The following FANCC variants were observed in gnomAD, a reference collection of about 807,000 sequenced individuals.
The protein encoded by FANCC is Fanconi anemia group C protein.
FANCC carries 55 observed loss-of-function variants against 71.3 expected under a neutral mutation model. The observed-to-expected ratio is 0.77, with a 90% confidence interval of 0.62 to 0.97. The LOEUF (loss-of-function observed/expected upper bound fraction) is 0.97, where lower values mean the gene tolerates loss of function less well. Among genes scored for constraint, FANCC ranks in the 50% least tolerant of loss-of-function variants. The pLI is 0.00. For missense variants in FANCC, 678 were observed against 670.9 expected, an observed-to-expected ratio of 1.01 and a Z score of -0.12; for synonymous variants, 275 against 244.9, an observed-to-expected ratio of 1.12 and a Z score of -1.15.
intron 8 of FANCC, 141 bp downstream of exon 8, chr9:95,135,205 A>T (rs1010898014): frequency 4.6e-6 from 4 of 861,512 alleles, no homozygotes; most frequent in Admixed American, 2.1e-5. Flanking sequence ...GATTTCAAAA[A>T]TAAAATGTAA....
intron 4 of FANCC, among the ~76,000 whole-genome samples, chr9:95,192,421 AG>A (rs2135747068): frequency 6.6e-6 from 1 of 152,346 alleles, no homozygotes; most frequent in East Asian, 1.9e-4. Context: ...AGACATTCAA[AG>A]ACCTCAGTCC....
chr9:95,205,037 T>C (rs1828034302), intron 4 of FANCC, among the ~76,000 whole-genome samples: 1 of 152,136 alleles, frequency 6.6e-6, no homozygotes, highest in Non-Finnish European at 1.5e-5. Context: ...CAAATGAAAA[T>C]GACTAAAGCA....
At chr9:95,158,702 T>C (rs769069331) in intron 6 of FANCC, among the ~76,000 whole-genome samples, 1 of 152,166 alleles carries the variant, frequency 6.6e-6, no homozygotes, top group Non-Finnish European at 1.5e-5. Context: ...TCTAAAGAAG[T>C]AGTGTAGAGC....
At chr9:95,175,839 C>G (rs1355817145) in intron 4 of FANCC, among the ~76,000 whole-genome samples, 2 of 152,210 alleles carry the variant, frequency 1.3e-5, no homozygotes, top group Non-Finnish European at 2.9e-5. Flanking sequence ...GTCTGGCCAG[C>G]CATATGTCAA....
chr9:95,301,806 G>A (rs1261698178), intron 1 of FANCC, among the ~76,000 whole-genome samples: 2 of 151,672 alleles, frequency 1.3e-5, no homozygotes, highest in African/African-American at 2.4e-5. Context: ...GGCCTGGCGC[G>A]GTGGCTCACG....
intron 10 of FANCC, 46 bp downstream of exon 10, chr9:95,125,040 G>A (rs375659639): frequency 1.1e-4 from 168 of 1,495,590 alleles, no homozygotes; most frequent in South Asian, 3.7e-4. Context: ...TCTCAACAGC[G>A]TCTTATTCTC....
chr9:95,136,540 G>A (rs1250156420), intron 7 of FANCC, among the ~76,000 whole-genome samples: 1 of 151,834 alleles, frequency 6.6e-6, no homozygotes, highest in African/African-American at 2.4e-5. Flanking sequence ...AGGCTAGAGT[G>A]CAATGGTGTG....
chr9:95,304,254 T>G (rs1834937137), intron 1 of FANCC, among the ~76,000 whole-genome samples: 1 of 152,010 alleles, frequency 6.6e-6, no homozygotes, highest in South Asian at 2.1e-4. Context: ...GAAAATAAAG[T>G]AAACAGAAGA....
chr9:95,102,786 G>A (rs1030979775), intron 14 of FANCC, among the ~76,000 whole-genome samples: 18 of 152,218 alleles, frequency 1.2e-4, no homozygotes, highest in African/African-American at 4.1e-4. Flanking sequence ...GCCTCTTGTC[G>A]CATGCGCACT....
chr9:95,243,186 G>A (rs748708456), intron 3 of FANCC, among the ~76,000 whole-genome samples: 122 of 152,268 alleles, frequency 8.0e-4, no homozygotes, highest in Non-Finnish European at 8.8e-4. Context: ...TTGTTATACA[G>A]GAATAGTGAA....
chr9:95,242,977 T>G (rs1830724990), intron 3 of FANCC, among the ~76,000 whole-genome samples: 2 of 152,212 alleles, frequency 1.3e-5, no homozygotes, highest in Admixed American at 6.5e-5. Context: ...AAATTTGGAT[T>G]CTAAAACTGA....
rs541471517 is a variant in FANCC, at chr9:95,252,726, C to T, written c.-78-3357G>A. On this transcript the variant is annotated intron_variant, in intron 1 of 14. Transcript: ENST00000289081. ...CTCCACTGCACTCCAGCCTGGGCAACAGAGCGAGACTCTGTCTCAAAAAAA... is the reference window on the plus strand; with the variant it reads ...CTCCACTGCACTCCAGCCTGGGCAATAGAGCGAGACTCTGTCTCAAAAAAA... Among the ~76,000 whole-genome samples, 3 of 129,192 alleles carry T rather than the reference C, an allele frequency of 2.3e-5. No homozygotes were observed. In the South Asian group the frequency reaches 8.1e-4, roughly 35 times the overall value. The allele number at this position is 129,192 out of a possible 152,430, so 84.8% of individuals were successfully genotyped here.
chr9:95,197,533 C>T (rs891440301), intron 4 of FANCC, among the ~76,000 whole-genome samples: 27 of 152,094 alleles, frequency 1.8e-4, no homozygotes, highest in African/African-American at 5.1e-4. Flanking sequence ...AATCAGACCC[C>T]GTCACAAACA....
intron 1 of FANCC, among the ~76,000 whole-genome samples, chr9:95,275,781 G>A (rs1832999929): frequency 6.6e-6 from 1 of 152,160 alleles, no homozygotes; most frequent in East Asian, 1.9e-4. Flanking sequence ...CTGCTCAGGA[G>A]GCTAAGGCAG....
Position 95,101,806 on chromosome 9 carries a change from A to T in FANCC, c.1578T>A (p.Leu526=). 1 of 1,614,122 alleles carries T rather than the reference A, an allele frequency of 6.2e-7. No homozygotes were observed. The highest frequency in any genetic ancestry group is 8.5e-7 in the Non-Finnish European group (1 of 1,180,026). The change falls in exon 15 of 15, where the codon CTT becomes CTA. Residue 526 remains leucine (L), a synonymous_variant. Coordinates refer to ENST00000289081, the MANE Select transcript of FANCC (RefSeq NM_000136.3). ...GATTCCATCTGTACAAGGTCTGGTC[A>T]AGAAAGCCAATGATCTCGTGAGTTA... ...AEITHEIIGF[L]DQTLYRWNRL...
chr9:95,232,871 G>A (rs549410737), intron 4 of FANCC, among the ~76,000 whole-genome samples: 2 of 152,142 alleles, frequency 1.3e-5, no homozygotes, highest in East Asian at 3.9e-4. Context: ...GCAACTTCAG[G>A]GATTATGTGC....
intron 4 of FANCC, among the ~76,000 whole-genome samples, chr9:95,229,410 T>C (rs1354539060): frequency 1.3e-5 from 2 of 151,130 alleles, no homozygotes; most frequent in African/African-American, 4.9e-5. Flanking sequence ...GTAGAAGCAG[T>C]GAGGCTGGTA....
intron 4 of FANCC, among the ~76,000 whole-genome samples, chr9:95,181,778 A>T (rs1826385368): frequency 1.3e-5 from 2 of 152,230 alleles, no homozygotes. Flanking sequence ...TTTTAAGCCC[A>T]ATTTCGATTC....
chr9:95,126,569 AG>A lies in FANCC; in HGVS notation c.855del (p.Cys286AlafsTer27). The A allele has an allele frequency of 6.2e-7, 1 of 1,614,092 alleles. No homozygotes were observed. Among genetic ancestry groups the A allele is most frequent in the South Asian group, 1.1e-5 (1 of 91,082 alleles). On this transcript the variant is annotated frameshift_variant, in exon 9 of 15. Coordinates refer to ENST00000289081, the MANE Select transcript of FANCC (RefSeq NM_000136.3). LOFTEE classifies it high-confidence loss of function. Reference sequence around the variant, plus strand: ...ACAACCCGGAATATGGCAGGGTGGCAGGCTGCTTGAGGCTGTAAAAGGAGAA... The same window carrying A: ...ACAACCCGGAATATGGCAGGGTGGCAGCTGCTTGAGGCTGTAAAAGGAGAA... ...FIKDSSLPQAACHPAIFRVVD... is the reference protein window; with the variant it reads ...FIKDSSLPQAXCHPAIFRVVD...
Sources: gnomAD v4.1 joint callset for allele counts (sites outside exome capture counted in the v4.1 genomes callset) on GRCh38, gnomAD v4.1.1 for gene constraint, MANE v1.5 for transcripts, NCBI Gene and HGNC (gene_info 2026-07-23, HGNC 2026-07-21) for gene names.